Variants in CCDC91 observed in about 807,000 individuals in gnomAD.
The protein encoded by CCDC91 is coiled-coil domain containing 91.
Under a neutral mutation model 63.2 loss-of-function variants are expected in CCDC91, and 48 were observed. The ratio of observed to expected loss-of-function variants is 0.76; its 90% CI spans 0.60 to 0.97. The LOEUF is 0.97. CCDC91 is among the 50% of genes least tolerant of loss of function. The probability of loss-of-function intolerance (pLI) is 0.00; values close to 1 mark genes in which losing one functional copy is unlikely to be tolerated. For synonymous variants in CCDC91, 167 were observed against 165.8 expected (o/e 1.01, Z -0.06); for missense variants, 500 against 494.6 (o/e 1.01, Z -0.10).
chr12:28,349,661 TG>T (rs1390985690), intron 6 of CCDC91, among the ~76,000 whole-genome samples: 1 of 152,200 alleles, frequency 6.6e-6, no homozygotes, highest in Non-Finnish European at 1.5e-5. Context: ...TTTAGTCTCC[TG>T]TCTGGTGAGG....
intron 3 of CCDC91, 63 bp from the exon 4 acceptor site, chr12:28,305,586 C>G (rs760194669): frequency 7.2e-7 from 1 of 1,382,120 alleles, no homozygotes. Flanking sequence ...TCCTTTCAAC[C>G]TGTTCCCTCT....
chr12:28,542,238 T>C (rs1942678628), intron 12 of CCDC91, among the ~76,000 whole-genome samples: 1 of 152,058 alleles, frequency 6.6e-6, no homozygotes, highest in South Asian at 2.1e-4. Context: ...GAACTTACTT[T>C]AGATGACTCA....
intron 12 of CCDC91, among the ~76,000 whole-genome samples, chr12:28,496,934 A>C (rs1235441959): frequency 7.3e-6 from 1 of 137,930 alleles, no homozygotes; most frequent in African/African-American, 2.6e-5. Context: ...ATATATACAT[A>C]TATATATACA....
At chr12:28,250,436 T>C (rs1156497652) in intron 1 of CCDC91, among the ~76,000 whole-genome samples, 1 of 152,176 alleles carries the variant, frequency 6.6e-6, no homozygotes, top group Non-Finnish European at 1.5e-5. Flanking sequence ...ATGGCAATAC[T>C]TCTTTAATTC....
chr12:28,307,939 C>T lies in CCDC91; in HGVS notation c.576+190C>T, dbSNP rs531071413. On this transcript the variant is annotated intron_variant, in intron 6 of 12. Transcript: ENST00000536442. ...TGAAAAATATGAGTCTGTGAGCAGC[C>T]CTGAGGATTAGTAGTTTGAGGCCCA... is the stretch of plus-strand genomic sequence containing the variant. Among the ~76,000 whole-genome samples, 7 of 151,850 alleles carry T rather than the reference C, an allele frequency of 4.6e-5. No individual in the cohort carries two copies. In the East Asian group the frequency reaches 7.8e-4, roughly 17 times the overall value.
intron 12 of CCDC91, among the ~76,000 whole-genome samples, chr12:28,489,924 T>C (rs1299240094): frequency 6.6e-6 from 1 of 151,900 alleles, no homozygotes; most frequent in Admixed American, 6.6e-5. Context: ...CATGGTCCCT[T>C]ACTTTTCTCT....
chr12:28,276,975 A>G (rs1199737033), intron 3 of CCDC91, among the ~76,000 whole-genome samples: 1 of 151,934 alleles, frequency 6.6e-6, no homozygotes, highest in Non-Finnish European at 1.5e-5. Flanking sequence ...GCTAAGACTT[A>G]CGGGAAATGA....
intron 12 of CCDC91, among the ~76,000 whole-genome samples, chr12:28,502,410 G>A (rs61922541): frequency 6.6e-6 from 1 of 151,212 alleles, no homozygotes; most frequent in Non-Finnish European, 1.5e-5. Flanking sequence ...GAACTACAAA[G>A]CACTGCTCAA....
chr12:28,207,878 A>G (rs181221379), intron 1 of CCDC91, among the ~76,000 whole-genome samples: 1 of 152,362 alleles, frequency 6.6e-6, no homozygotes, highest in Non-Finnish European at 1.5e-5. Flanking sequence ...AATTAGGTGC[A>G]TAGCACTGAT....
At chr12:28,221,647 C>G (rs71452082) in intron 1 of CCDC91, among the ~76,000 whole-genome samples, 40,589 of 152,062 alleles carry the variant, frequency 0.27, 5,920 homozygotes, top group East Asian at 0.57. Flanking sequence ...TAAGGAGATA[C>G]CCTCCTGAGG....
At chr12:28,368,824 G>C (rs938904639) in intron 7 of CCDC91, among the ~76,000 whole-genome samples, 3 of 142,870 alleles carry the variant, frequency 2.1e-5, no homozygotes, top group African/African-American at 5.0e-5. Flanking sequence ...AGTGGGGAGA[G>C]AGAGAAAGAG....
At chr12:28,471,895 C>T (rs1040232233) in intron 11 of CCDC91, among the ~76,000 whole-genome samples, 3 of 152,022 alleles carry the variant, frequency 2.0e-5, no homozygotes, top group African/African-American at 2.4e-5. Context: ...GGATTACAGG[C>T]GTCTGCCATC....
chr12:28,444,760 C>T (rs1592694581), intron 8 of CCDC91, among the ~76,000 whole-genome samples: 2 of 152,204 alleles, frequency 1.3e-5, no homozygotes, highest in Admixed American at 1.3e-4. Context: ...ATGAAATAAT[C>T]TGTACAGCAA....
intron 8 of CCDC91, among the ~76,000 whole-genome samples, chr12:28,393,167 A>G (rs1449096438): frequency 6.6e-6 from 1 of 152,032 alleles, no homozygotes; most frequent in Non-Finnish European, 1.5e-5. Flanking sequence ...TTTGTTTACT[A>G]TATTTCAAAT....
intron 8 of CCDC91, among the ~76,000 whole-genome samples, chr12:28,396,943 T>C (rs927527416): frequency 1.3e-5 from 2 of 152,052 alleles, no homozygotes; most frequent in African/African-American, 4.8e-5. Context: ...AAGCTGGTAA[T>C]AGATGAATTT....
rs540196121 is a variant in CCDC91, at chr12:28,233,050, G to C, written c.-14-24152G>C. Among the ~76,000 whole-genome samples, 7 of 151,028 alleles carry C rather than the reference G, an allele frequency of 4.6e-5. No homozygotes were observed. The South Asian group carries it at 1.5e-3, about 32-fold the overall frequency. Reference sequence around the variant, plus strand: ...TCTCATGAATTAACTGATTTCCTAAGTCTTTTTTTTCCCCAACCCTCCATT... The same window carrying C: ...TCTCATGAATTAACTGATTTCCTAACTCTTTTTTTTCCCCAACCCTCCATT... On this transcript the variant is annotated intron_variant, in intron 1 of 12. Transcript: ENST00000536442.
At chr12:28,304,849 A>G in intron 3 of CCDC91, 1 of 290,760 alleles carries the variant, frequency 3.4e-6, no homozygotes, top group South Asian at 3.3e-5. Context: ...TAATATATGT[A>G]CGACATGTTT....
At chr12:28,193,090 G>A (rs1232729091) in intron 1 of CCDC91, among the ~76,000 whole-genome samples, 1 of 152,192 alleles carries the variant, frequency 6.6e-6, no homozygotes, top group Non-Finnish European at 1.5e-5. Context: ...GTTTTTTACA[G>A]CTGAGTAGTA....
intron 3 of CCDC91, among the ~76,000 whole-genome samples, chr12:28,283,763 G>A (rs888547759): frequency 3.3e-5 from 5 of 152,066 alleles, no homozygotes; most frequent in African/African-American, 1.2e-4. Flanking sequence ...ATATTTTAAA[G>A]ATTTTTTAAA....
Sources: allele counts gnomAD v4.1 joint callset (sites outside exome capture counted in the v4.1 genomes callset), GRCh38; gene constraint gnomAD v4.1.1; transcripts MANE v1.5; gene names NCBI Gene and HGNC (gene_info 2026-07-23, HGNC 2026-07-21).